The following MAPK8IP3 variants were observed in gnomAD, a reference collection of about 807,000 sequenced individuals.
The protein encoded by MAPK8IP3 is C-Jun-amino-terminal kinase-interacting protein 3.
In MAPK8IP3, 49 loss-of-function variants were observed where a neutral mutation model predicts 157.8. The ratio of observed to expected loss-of-function variants is 0.31; its 90% CI spans 0.25 to 0.39. The LOEUF is 0.39. Ranked by LOEUF, MAPK8IP3 falls within the 10% of genes least tolerant of loss-of-function variation. MAPK8IP3 has a pLI of 1.00. For missense variants in MAPK8IP3, 1,478 were observed against 1,889.4 expected (o/e 0.78, Z 4.04); for synonymous variants, 897 against 777.7 (o/e 1.15, Z -2.55).
chr16:1,739,096 CTGTG>C (rs1177964213), intron 4 of MAPK8IP3, among the ~76,000 whole-genome samples: 1 of 122,808 alleles, frequency 8.1e-6, no homozygotes, highest in African/African-American at 3.2e-5. Flanking sequence ...ATGTGAGCAT[CTGTG>C]TGACCGTCTG....
At chr16:1,744,231 G>A in intron 5 of MAPK8IP3, 3 of 985,650 alleles carry the variant, frequency 3.0e-6, no homozygotes, top group Non-Finnish European at 3.6e-6. Flanking sequence ...GTGACCCCGG[G>A]TCTGGTGGAT....
intron 10 of MAPK8IP3, 25 bp from the exon 11 acceptor site, chr16:1,759,933 G>A: frequency 6.2e-7 from 1 of 1,611,894 alleles, no homozygotes; most frequent in Non-Finnish European, 8.5e-7. Context: ...GGGCACAGGT[G>A]AAACCTCCGC....
At chr16:1,740,002 C>G (rs1181058036) in intron 4 of MAPK8IP3, among the ~76,000 whole-genome samples, 5 of 104,854 alleles carry the variant, frequency 4.8e-5, no homozygotes, top group Non-Finnish European at 7.5e-5. Context: ...ATCCGTGTGA[C>G]CATCCGTGTG....
chr16:1,721,674 C>T (rs1315132700), intron 1 of MAPK8IP3, among the ~76,000 whole-genome samples: 1 of 151,996 alleles, frequency 6.6e-6, no homozygotes, highest in Non-Finnish European at 1.5e-5. Flanking sequence ...CTCCTGGAGT[C>T]AATCAATCCA....
At chr16:1,744,986 CCAAA>C (rs2040880178) in intron 5 of MAPK8IP3, 2 of 985,008 alleles carry the variant, frequency 2.0e-6, no homozygotes, top group African/African-American at 1.7e-5. Context: ...AGTGTTTTAA[CCAAA>C]CAGTTGTGGC....
intron 16 of MAPK8IP3, 99 bp downstream of exon 16, chr16:1,763,105 G>T (rs1318861776): frequency 6.7e-7 from 1 of 1,497,564 alleles, no homozygotes; most frequent in African/African-American, 1.4e-5. Context: ...GACTTTGAGG[G>T]CAGCCTCCAC....
intron 2 of MAPK8IP3, among the ~76,000 whole-genome samples, chr16:1,728,292 C>T (rs1023744577): frequency 1.3e-5 from 2 of 152,232 alleles, no homozygotes; most frequent in Non-Finnish European, 2.9e-5. Context: ...GGCACATAGT[C>T]ATGATTGGCC....
At position 1,728,138 on chromosome 16, in the gene MAPK8IP3, G is replaced by C. The variant is rs183042562; in HGVS notation, c.440-1000G>C. On this transcript the variant is annotated intron_variant, in intron 2 of 31. Transcript: ENST00000610761. ...GCATGCACCATTGGCGGGACATAGAGTGGGGTCCCCTGGCTGCGGCTGCCC... is the reference window on the plus strand; with the variant it reads ...GCATGCACCATTGGCGGGACATAGACTGGGGTCCCCTGGCTGCGGCTGCCC... 1.1e-4 allele frequency among the ~76,000 whole-genome samples: 17 copies of C among 152,366 alleles called. No individual in the cohort carries two copies. In the East Asian group the frequency reaches 3.3e-3, roughly 29 times the overall value.
chr16:1,764,199 C>T lies in MAPK8IP3; in HGVS notation c.2110C>T (p.Pro704Ser). 3 of 1,611,210 alleles carry T rather than the reference C, an allele frequency of 1.9e-6. No homozygotes were observed. The highest frequency in any genetic ancestry group is 2.5e-6 in the Non-Finnish European group (3 of 1,179,264). ...VYCRPLVEKD[P>S]TMKLWCAAGV... is the part of the protein sequence containing the mutation. ...CTGCCGCCCTCTGGTGGAGAAGGAC[C>T]CCACCATGAAGGTGAGCCCGCGAGG... The change falls in exon 18 of 32, where the codon CCC becomes TCC. Residue 704 changes from proline (P) to serine (S), a missense_variant. Physicochemically the swap from Pro to Ser is moderately conservative, Grantham distance 74. Coordinates refer to ENST00000610761, the MANE Select transcript of MAPK8IP3 (RefSeq NM_001318852.2).
chr16:1,748,853 G>A, intron 8 of MAPK8IP3, 133 bp downstream of exon 8: 2 of 849,060 alleles, frequency 2.4e-6, no homozygotes, highest in Non-Finnish European at 4.1e-6. Flanking sequence ...CAGCTTTGTT[G>A]AGTTGCGTTT....
intron 12 of MAPK8IP3, 149 bp downstream of exon 12, chr16:1,760,681 C>A: frequency 4.0e-6 from 4 of 1,003,810 alleles, no homozygotes; most frequent in Non-Finnish European, 5.7e-6. Flanking sequence ...CACTCCACCC[C>A]AACCAGCAGA....
intron 1 of MAPK8IP3, among the ~76,000 whole-genome samples, chr16:1,722,530 C>T (rs895641432): frequency 5.9e-5 from 9 of 152,082 alleles, no homozygotes; most frequent in African/African-American, 1.9e-4. Context: ...ATCCACCACC[C>T]GGTTTATATT....
At chr16:1,735,821 G>T (rs1321899163) in intron 4 of MAPK8IP3, among the ~76,000 whole-genome samples, 1 of 147,124 alleles carries the variant, frequency 6.8e-6, no homozygotes, top group Non-Finnish European at 1.5e-5. Context: ...CCATCCGTGT[G>T]ACCGTCCGTG....
At chr16:1,709,140 C>T (rs577376937) in intron 1 of MAPK8IP3, among the ~76,000 whole-genome samples, 1 of 152,220 alleles carries the variant, frequency 6.6e-6, no homozygotes, top group African/African-American at 2.4e-5. Context: ...AGACAGAATC[C>T]GCAGGGTTTT....
Position 1,767,927 on chromosome 16 carries a change from C to T in MAPK8IP3, c.3523+9C>T, listed in dbSNP as rs771512556. The T allele has an allele frequency of 6.2e-7, 1 of 1,609,786 alleles. No homozygotes were observed. Among genetic ancestry groups the T allele is most frequent in the Non-Finnish European group, 8.5e-7 (1 of 1,178,894 alleles). On this transcript the variant is annotated intron_variant, in intron 28 of 31. Coordinates refer to ENST00000610761, the MANE Select transcript of MAPK8IP3 (RefSeq NM_001318852.2). The stretch of plus-strand genomic sequence containing the variant: ...CATCCCCCTGACAGAGAGTGAGTGG[C>T]CTGCACACCTGCAGGGGCAGTGGTG...
intron 1 of MAPK8IP3, among the ~76,000 whole-genome samples, chr16:1,711,680 G>T (rs565558012): frequency 6.6e-6 from 1 of 152,152 alleles, no homozygotes; most frequent in Non-Finnish European, 1.5e-5. Flanking sequence ...AGTGGCTCAC[G>T]CCCGTAATCC....
intron 4 of MAPK8IP3, among the ~76,000 whole-genome samples, chr16:1,735,651 CCATCCATGTGAG>C (rs1473598828): frequency 2.3e-5 from 3 of 127,880 alleles, no homozygotes; most frequent in Non-Finnish European, 4.8e-5. Context: ...GTGAGTGTGA[CCATCCATGTGAG>C]CATCCGTGTG....
chr16:1,742,889 G>A lies in MAPK8IP3; in HGVS notation c.603-443G>A, dbSNP rs2040762178. ...TGTAATCCCAGCACTGTGGGAGGCC[G>A]AGGCAGGCGGATCATCAGGTCAGGA... is the stretch of plus-strand genomic sequence containing the variant. On this transcript the variant is annotated intron_variant, in intron 4 of 31. Transcript: ENST00000610761. This position sits in a 1 kb window ranked among gnomAD's most constrained non-coding sequence, Gnocchi z 5.0. Among the ~76,000 whole-genome samples the A allele has an allele frequency of 1.3e-5, 2 of 152,068 alleles. No homozygotes were observed. The highest frequency in any genetic ancestry group is 2.9e-5 in the Non-Finnish European group (2 of 68,010).
At position 1,769,624 on chromosome 16, in the gene MAPK8IP3, G is replaced by A. The variant is rs373659891; in HGVS notation, c.*800G>A. ...TCCTGTCCCTCCCAGAAGCCCCCAG[G>A]GTGGGATTTCTCAGGCTGCCAGGGC... is the stretch of plus-strand genomic sequence containing the variant. On this transcript the variant is annotated 3_prime_UTR_variant, in exon 32 of 32. Coordinates refer to ENST00000610761, the MANE Select transcript of MAPK8IP3 (RefSeq NM_001318852.2). 9 of 152,674 alleles carry A rather than the reference G, an allele frequency of 5.9e-5. No homozygotes were observed. Among genetic ancestry groups the A allele is most frequent in the African/African-American group, 2.2e-4 (9 of 41,450 alleles). 9.5% of individuals were successfully genotyped at this position (152,674 alleles called of 1,614,324 possible). A position where few individuals can be genotyped will look rare whatever the true frequency, so the allele number is the denominator to read the frequency against.
Sources: gnomAD v4.1 joint callset for allele counts (sites outside exome capture counted in the v4.1 genomes callset) on GRCh38, gnomAD v4.1.1 for gene constraint, Gnocchi (gnomAD v3.1) non-coding constraint, MANE v1.5 for transcripts, NCBI Gene and HGNC (gene_info 2026-07-23, HGNC 2026-07-21) for gene names.